The following TSR1 variants were observed in gnomAD, a reference collection of about 807,000 sequenced individuals.
The protein encoded by TSR1 is pre-rRNA-processing protein TSR1 homolog.
In TSR1, 81 loss-of-function variants were observed where a neutral mutation model predicts 90.9. The observed-to-expected ratio is 0.89, with a 90% confidence interval of 0.74 to 1.07. The LOEUF (loss-of-function observed/expected upper bound fraction) is 1.07. Among genes scored for constraint, TSR1 ranks in the 50% least tolerant of loss-of-function variants. The probability of loss-of-function intolerance (pLI) is 0.00; values close to 1 mark genes in which losing one functional copy is unlikely to be tolerated. For synonymous variants in TSR1, 362 were observed against 348.8 expected (o/e 1.04, Z -0.42); for missense variants, 989 against 987.3 (o/e 1.00, Z -0.02).
chr17:2,323,369 A>G lies in TSR1; in HGVS notation c.*827T>C, dbSNP rs142227912. On this transcript the variant is annotated 3_prime_UTR_variant, in exon 15 of 15. Transcript: ENST00000301364. ...AGGTGAGGCTCCAGCAAGAAAAGAAATAGCAAAGCATGGTGTAACTTCTTA... is the reference window on the plus strand; with the variant it reads ...AGGTGAGGCTCCAGCAAGAAAAGAAGTAGCAAAGCATGGTGTAACTTCTTA... The G allele has an allele frequency of 6.2e-7, 1 of 1,613,226 alleles. No individual in the cohort carries two copies. Among genetic ancestry groups the G allele is most frequent in the African/African-American group, 1.3e-5 (1 of 75,018 alleles).
Position 2,330,758 on chromosome 17 carries a change from T to G in TSR1, c.1660-133A>C, listed in dbSNP as rs1413748140. The G allele has an allele frequency of 2.7e-6, 3 of 1,102,502 alleles. No individual in the cohort carries two copies. The East Asian group carries it at 7.7e-5, about 28-fold the overall frequency. 68.3% of individuals were successfully genotyped at this position (1,102,502 alleles called of 1,614,324 possible). A position where few individuals can be genotyped will look rare whatever the true frequency, so the allele number is the denominator to read the frequency against. On this transcript the variant is annotated intron_variant, in intron 9 of 14. Transcript: ENST00000301364. ...AACCCTCATCCTTCAAGATGCTTCA[T>G]TTACCCAGATCACACTTTTTCATTT...
chr17:2,332,865 A>C, intron 7 of TSR1, 96 bp downstream of exon 7: 1 of 1,258,936 alleles, frequency 7.9e-7, no homozygotes, highest in East Asian at 2.4e-5. Context: ...AAATAAAAAA[A>C]AGAAACTAAC....
chr17:2,325,410 ATGTT>A lies in TSR1; in HGVS notation c.1910_1913del (p.Lys637IlefsTer7), dbSNP rs2075570163. On this transcript the variant is annotated frameshift_variant, in exon 12 of 15. Coordinates refer to ENST00000301364, the MANE Select transcript of TSR1 (RefSeq NM_018128.5). LOFTEE classifies it high-confidence loss of function. ...CAGCAGTCAGGAATCTCTGCAATTT[ATGTT>A]TGTCCGCTGCCATAAGGGTTAAAAA... 1 of 1,611,246 alleles carries A rather than the reference ATGTT, an allele frequency of 6.2e-7. No homozygotes were observed. Among genetic ancestry groups the A allele is most frequent in the African/African-American group, 1.3e-5 (1 of 74,736 alleles).
rs912024627 is a variant in TSR1 at position 2,324,237 on chromosome 17, T to G, written c.2374A>C (p.Ser792Arg). 5.2e-6 allele frequency: 8 copies of G among 1,529,874 alleles called. No homozygotes were observed. In the East Asian group the frequency reaches 1.6e-4, roughly 30 times the overall value. The allele number at this position is 1,529,874 out of a possible 1,614,324, so 94.8% of individuals were successfully genotyped here. A position where few individuals can be genotyped will look rare whatever the true frequency, so the allele number is the denominator to read the frequency against. Residue 792 changes from serine (S) to arginine (R), a missense_variant, in exon 15 of 15, where the codon AGT becomes CGT. Ser to Arg is a moderately radical substitution (Grantham distance 110, BLOSUM62 -1). Coordinates refer to ENST00000301364, the MANE Select transcript of TSR1 (RefSeq NM_018128.5). ...TGAGGCACTGTTGAAGAAATCTCAC[T>G]TTTCAGCCAGGGTACTGGTTCTGGT... ...YVPEPVPWLK[S>R]EISSTVPQGG...
rs2064071757 is a variant in TSR1, at chr17:2,336,063, G to A, written c.175C>T (p.Gln59Ter). The change falls in exon 2 of 15, where the codon CAG becomes TAG. Residue 59 changes from glutamine to a stop codon, truncating the protein, a stop_gained. Coordinates refer to ENST00000301364, the MANE Select transcript of TSR1 (RefSeq NM_018128.5). LOFTEE classifies it high-confidence loss of function. Reference protein sequence around the residue: ...SRVDQRHRASQLRKQKKEAVL... With the variant: ...SRVDQRHRAS The stretch of plus-strand genomic sequence containing the variant: ...GCCTCCTTCTTCTGCTTTCGGAGCT[G>A]GCTGGCGCGATGCCTCTGGTCGACT... The A allele has an allele frequency of 6.2e-7, 1 of 1,614,084 alleles. No homozygotes were observed. The highest frequency in any genetic ancestry group is 8.5e-7 in the Non-Finnish European group (1 of 1,180,036).
At position 2,323,331 on chromosome 17, in the gene TSR1, G is replaced by C. The variant is rs762132935; in HGVS notation, c.*865C>G. The C allele has an allele frequency of 6.2e-7, 1 of 1,614,012 alleles. No homozygotes were observed. The highest frequency in any genetic ancestry group is 1.7e-4 in the Middle Eastern group (1 of 6,058). The stretch of plus-strand genomic sequence containing the variant: ...TGTGGATGATATCTTCACTGTCACA[G>C]AGGATGAAATTAAGGTGAGGCTCCA... On this transcript the variant is annotated 3_prime_UTR_variant, in exon 15 of 15. Transcript: ENST00000301364.
Position 2,325,392 on chromosome 17 carries a change from C to A in TSR1, c.1932G>T (p.Leu644=), listed in dbSNP as rs552483770. The A allele has an allele frequency of 6.2e-7, 1 of 1,612,712 alleles. No individual in the cohort carries two copies. Among genetic ancestry groups the A allele is most frequent in the Non-Finnish European group, 8.5e-7 (1 of 1,179,704 alleles). Residue 644 remains leucine (L), a synonymous_variant, in exon 12 of 15, where the codon CTG becomes CTT. Coordinates refer to ENST00000301364, the MANE Select transcript of TSR1 (RefSeq NM_018128.5). The part of the protein sequence containing the change: ...AADKHKLQRF[L]TADMALVATV... ...TCGCCACCAGGGCCATGTCAGCAGT[C>A]AGGAATCTCTGCAATTTATGTTTGT...
At chr17:2,334,349 A>C in intron 5 of TSR1, 123 bp downstream of exon 5, 3 of 1,026,164 alleles carry the variant, frequency 2.9e-6, no homozygotes, top group Non-Finnish European at 4.3e-6. Flanking sequence ...ATAACTGACT[A>C]TTGCCTTACT....
chr17:2,332,494 A>G, intron 7 of TSR1, 135 bp from the exon 8 acceptor site: 1 of 773,506 alleles, frequency 1.3e-6, no homozygotes, highest in Admixed American at 3.4e-5. Context: ...AGTCTAAAGT[A>G]TAAAACAAAA....
chr17:2,324,999 G>T, intron 12 of TSR1, 170 bp from the exon 13 acceptor site: 1 of 702,936 alleles, frequency 1.4e-6, no homozygotes, highest in Non-Finnish European at 2.3e-6. Flanking sequence ...TTGTCAATAG[G>T]TTCTTGAAAA....
chr17:2,330,278 T>C lies in TSR1; in HGVS notation c.1770+237A>G, dbSNP rs776618066. 105 of 645,242 alleles carry C rather than the reference T, an allele frequency of 1.6e-4. 2 individuals carry two copies. In the East Asian group the frequency reaches 3.5e-3, roughly 21 times the overall value. 40.0% of individuals were successfully genotyped at this position (645,242 alleles called of 1,614,324 possible). A position where few individuals can be genotyped will look rare whatever the true frequency, so the allele number is the denominator to read the frequency against. On this transcript the variant is annotated intron_variant, in intron 10 of 14. Transcript: ENST00000301364. Reference sequence around the variant, plus strand: ...TCAAAATCTGGTCTGAAAAACATACTTGGAGAAGTCTCAGAACCACACAGA... The same window carrying C: ...TCAAAATCTGGTCTGAAAAACATACCTGGAGAAGTCTCAGAACCACACAGA...
chr17:2,330,478 T>A, intron 10 of TSR1, 37 bp downstream of exon 10: 1 of 1,592,026 alleles, frequency 6.3e-7, no homozygotes, highest in Non-Finnish European at 8.6e-7. Flanking sequence ...CTGGAAAGTT[T>A]CACAACCCCC....
chr17:2,333,260 C>T, intron 6 of TSR1, 136 bp from the exon 7 acceptor site: 1 of 1,072,870 alleles, frequency 9.3e-7, no homozygotes, highest in South Asian at 1.3e-5. Context: ...AGAACTACTT[C>T]CAAATTTAAT....
chr17:2,323,926 T>C lies in TSR1; in HGVS notation c.*270A>G, dbSNP rs1392191526. On this transcript the variant is annotated 3_prime_UTR_variant, in exon 15 of 15. Transcript: ENST00000301364. ...CAGTGTCTTTAGATACTGAAGACATTTTGTTTCCTAGTATTGTCAACTCTT... is the reference window on the plus strand; with the variant it reads ...CAGTGTCTTTAGATACTGAAGACATCTTGTTTCCTAGTATTGTCAACTCTT... The C allele has an allele frequency of 3.3e-6, 5 of 1,508,192 alleles. No homozygotes were observed. The highest frequency in any genetic ancestry group is 1.7e-4 in the Middle Eastern group (1 of 5,858). 93.4% of individuals were successfully genotyped at this position (1,508,192 alleles called of 1,614,324 possible). A position where few individuals can be genotyped will look rare whatever the true frequency, so the allele number is the denominator to read the frequency against.
In TSR1 at chr17:2,325,315, T is replaced by C; in HGVS notation, c.2009A>G (p.Gln670Arg). 1 of 1,611,778 alleles carries C rather than the reference T, an allele frequency of 6.2e-7. No homozygotes were observed. The highest frequency in any genetic ancestry group is 8.5e-7 in the Non-Finnish European group (1 of 1,179,444). ...GTGGCTCAACTTACCATTGCTTTTTTGCTTGAAAAGCAGCACAGATGCAGG... is the reference window on the plus strand; with the variant it reads ...GTGGCTCAACTTACCATTGCTTTTTCGCTTGAAAAGCAGCACAGATGCAGG... Reference protein sequence around the residue: ...FPPASVLLFKQKSNGMHSLIA... With the variant: ...FPPASVLLFKRKSNGMHSLIA... The change falls in exon 12 of 15, where the codon CAA becomes CGA. Residue 670 changes from glutamine to arginine, a missense_variant. Coordinates refer to ENST00000301364, the MANE Select transcript of TSR1 (RefSeq NM_018128.5).
Position 2,323,540 on chromosome 17 carries a change from CGT to C in TSR1, c.*654_*655del. On this transcript the variant is annotated 3_prime_UTR_variant, in exon 15 of 15. Coordinates refer to ENST00000301364, the MANE Select transcript of TSR1 (RefSeq NM_018128.5). ...AGAATTAAAGAAAAGCTTTGGGAAG[CGT>C]GTGTACACAGTGATAAGAAAATTCA... The C allele has an allele frequency of 8.2e-7, 1 of 1,221,592 alleles. No individual in the cohort carries two copies. The allele number at this position is 1,221,592 out of a possible 1,614,324, so 75.7% of individuals were successfully genotyped here.
chr17:2,330,745 T>C, intron 9 of TSR1, 120 bp from the exon 10 acceptor site: 1 of 1,137,880 alleles, frequency 8.8e-7, no homozygotes, highest in Non-Finnish European at 1.3e-6. Context: ...CCCTCATCCT[T>C]CAAGATGCTT....
At position 2,325,369 on chromosome 17, in the gene TSR1, G is replaced by A. The variant is rs201166223; in HGVS notation, c.1955C>T (p.Ala652Val). ...RFLTADMALV[A>V]TVYAPITFPP... Reference sequence around the variant, plus strand: ...AAAAGTGATTGGCGCATAGACTGTCGCCACCAGGGCCATGTCAGCAGTCAG... The same window carrying A: ...AAAAGTGATTGGCGCATAGACTGTCACCACCAGGGCCATGTCAGCAGTCAG... Residue 652 changes from alanine to valine, a missense_variant, in exon 12 of 15, where the codon GCG becomes GTG. Transcript: ENST00000301364. The A allele has an allele frequency of 2.4e-5, 38 of 1,613,294 alleles. No homozygotes were observed. The highest frequency in any genetic ancestry group is 6.7e-5 in the African/African-American group (5 of 74,888).
At position 2,334,796 on chromosome 17, in the gene TSR1, T is replaced by C. The variant is rs1452465162; in HGVS notation, c.657A>G (p.Lys219=). Residue 219 remains lysine, a synonymous_variant, in exon 5 of 15, where the codon AAA becomes AAG. Transcript: ENST00000301364. The part of the protein sequence containing the change: ...KAVEKRFPHD[K]LLLLDTQQEA... ...CCTGTTGAGTGTCTAACAAGAGGAG[T>C]TTGTCATGCGGAAAGCGCTTCTCCA... is the stretch of plus-strand genomic sequence containing the variant. 6.2e-6 allele frequency: 10 copies of C among 1,613,844 alleles called. No individual in the cohort carries two copies. In the East Asian group the frequency reaches 2.2e-4, roughly 36 times the overall value.
Sources: gnomAD v4.1 joint callset for allele counts on GRCh38, gnomAD v4.1.1 for gene constraint, MANE v1.5 for transcripts, NCBI Gene and HGNC (gene_info 2026-07-23, HGNC 2026-07-21) for gene names.